Variants in TTC39B observed in about 807,000 individuals in gnomAD.
TTC39B encodes the protein tetratricopeptide repeat domain 39B.
Under a neutral mutation model 96.6 loss-of-function variants are expected in TTC39B, and 92 were observed. The ratio of observed to expected loss-of-function variants is 0.95; its 90% CI spans 0.80 to 1.13. TTC39B has a LOEUF of 1.13. Among genes scored for constraint, TTC39B ranks in the 50% most tolerant of loss-of-function variants. The probability of loss-of-function intolerance (pLI) is 0.00; values close to 1 mark genes in which losing one functional copy is unlikely to be tolerated. For missense variants in TTC39B, 955 were observed against 809.3 expected (o/e 1.18, Z -2.18); for synonymous variants, 367 against 299.4 (o/e 1.23, Z -2.33).
At chr9:15,191,459 G>C (rs1324352597) in intron 9 of TTC39B, among the ~76,000 whole-genome samples, 1 of 152,008 alleles carries the variant, frequency 6.6e-6, no homozygotes, top group Non-Finnish European at 1.5e-5. Context: ...CCTTTAAAAA[G>C]TTTTTTTTAA....
intron 2 of TTC39B, among the ~76,000 whole-genome samples, chr9:15,233,146 A>G (rs1821525146): frequency 6.6e-6 from 1 of 152,118 alleles, no homozygotes; most frequent in Admixed American, 6.5e-5. Context: ...AGCCCTGGCG[A>G]GAAATCTTCA....
intron 2 of TTC39B, among the ~76,000 whole-genome samples, chr9:15,243,656 T>A (rs990333567): frequency 1.3e-5 from 2 of 152,164 alleles, no homozygotes; most frequent in Non-Finnish European, 2.9e-5. Flanking sequence ...ACACCTGTAA[T>A]CCCAGTGTTT....
At chr9:15,197,782 A>G (rs561762682) in intron 8 of TTC39B, among the ~76,000 whole-genome samples, 2 of 152,216 alleles carry the variant, frequency 1.3e-5, no homozygotes, top group Non-Finnish European at 2.9e-5. Flanking sequence ...GGGGAACAAT[A>G]ATACAAATGA....
intron 1 of TTC39B, among the ~76,000 whole-genome samples, chr9:15,284,653 A>G (rs1823890520): frequency 1.3e-5 from 2 of 152,174 alleles, no homozygotes; most frequent in South Asian, 4.1e-4. Flanking sequence ...ATTTGCATTT[A>G]TTTAACAAAA....
At chr9:15,213,818 A>G (rs1250132111) in intron 4 of TTC39B, among the ~76,000 whole-genome samples, 1 of 152,350 alleles carries the variant, frequency 6.6e-6, no homozygotes, top group Admixed American at 6.5e-5. Context: ...AAATTTTCTC[A>G]ATAATATTTA....
chr9:15,229,740 T>C (rs1821320143), intron 2 of TTC39B, among the ~76,000 whole-genome samples: 1 of 152,216 alleles, frequency 6.6e-6, no homozygotes, highest in Non-Finnish European at 1.5e-5. Context: ...TTCCATCACA[T>C]ATTTGCCTCT....
intron 2 of TTC39B, among the ~76,000 whole-genome samples, chr9:15,235,786 A>G (rs1821750447): frequency 1.3e-5 from 2 of 152,198 alleles, no homozygotes; most frequent in African/African-American, 4.8e-5. Flanking sequence ...TCACCACAAG[A>G]CCTATCCTAC....
chr9:15,303,310 A>G (rs941686836), intron 1 of TTC39B, among the ~76,000 whole-genome samples: 3 of 152,208 alleles, frequency 2.0e-5, no homozygotes, highest in African/African-American at 2.4e-5. Context: ...CAACTTTTCA[A>G]AAAACATTCA....
At chr9:15,245,926 G>A (rs1822252560) in intron 2 of TTC39B, among the ~76,000 whole-genome samples, 1 of 152,114 alleles carries the variant, frequency 6.6e-6, no homozygotes, top group Non-Finnish European at 1.5e-5. Context: ...AGAGAACTTG[G>A]GTAGAATGGC....
intron 1 of TTC39B, among the ~76,000 whole-genome samples, chr9:15,290,572 G>C (rs2131601501): frequency 6.6e-6 from 1 of 152,320 alleles, no homozygotes; most frequent in South Asian, 2.1e-4. Flanking sequence ...TCCACCCAGA[G>C]ACAAATGCAC....
intron 1 of TTC39B, among the ~76,000 whole-genome samples, chr9:15,268,184 T>C (rs1823208992): frequency 6.6e-6 from 1 of 152,084 alleles, no homozygotes; most frequent in Non-Finnish European, 1.5e-5. Context: ...ACTCAGCAAG[T>C]GATCAAACTG....
chr9:15,307,036 C>CT, intron 1 of TTC39B, 48 bp downstream of exon 1: 1 of 1,594,178 alleles, frequency 6.3e-7, no homozygotes. Flanking sequence ...TCCCGGACTC[C>CT]TGTCCAGGGC....
chr9:15,283,670 C>G (rs566249464), intron 1 of TTC39B, among the ~76,000 whole-genome samples: 10 of 152,260 alleles, frequency 6.6e-5, no homozygotes, highest in African/African-American at 2.4e-4. Flanking sequence ...GGAATTGGCA[C>G]AGGAACATAT....
chr9:15,264,608 T>C (rs1351493124), intron 2 of TTC39B, among the ~76,000 whole-genome samples: 1 of 140,316 alleles, frequency 7.1e-6, no homozygotes, highest in Non-Finnish European at 1.5e-5. Context: ...TGAGCTGAGA[T>C]CACACCATTG....
At chr9:15,189,485 T>C in intron 13 of TTC39B, 89 bp downstream of exon 13, 10 of 1,414,066 alleles carry the variant, frequency 7.1e-6, no homozygotes, top group Non-Finnish European at 9.8e-6. Flanking sequence ...TAGCCAAGTT[T>C]ACTTTTGTTG....
intron 1 of TTC39B, among the ~76,000 whole-genome samples, chr9:15,305,922 G>T (rs1377442087): frequency 6.6e-6 from 1 of 151,896 alleles, no homozygotes; most frequent in Non-Finnish European, 1.5e-5. Flanking sequence ...TCAATGCAAG[G>T]GACAGGCTGT....
At chr9:15,251,809 C>A (rs1822570415) in intron 2 of TTC39B, among the ~76,000 whole-genome samples, 1 of 149,736 alleles carries the variant, frequency 6.7e-6, no homozygotes, top group East Asian at 2.0e-4. Flanking sequence ...CCTTTTCACA[C>A]AGAATTGTTA....
intron 2 of TTC39B, among the ~76,000 whole-genome samples, chr9:15,251,060 G>T (rs976150298): frequency 2.6e-5 from 4 of 152,080 alleles, no homozygotes; most frequent in African/African-American, 9.7e-5. Flanking sequence ...GCTGGGTGTG[G>T]TGGCTCACGC....
At chr9:15,267,034 G>C (rs571750675) in intron 2 of TTC39B, among the ~76,000 whole-genome samples, 1 of 152,142 alleles carries the variant, frequency 6.6e-6, no homozygotes, top group Non-Finnish European at 1.5e-5. Context: ...AGCCGAGATC[G>C]TGCCACTGCA....
Sources: gnomAD v4.1 joint callset for allele counts (sites outside exome capture counted in the v4.1 genomes callset) on GRCh38, gnomAD v4.1.1 for gene constraint, MANE v1.5 for transcripts, NCBI Gene and HGNC (gene_info 2026-07-23, HGNC 2026-07-21) for gene names.